MCPH1: variants seen among roughly 807,000 people sequenced by gnomAD.
The protein encoded by MCPH1 is microcephalin 1.
In MCPH1, 104 loss-of-function variants were observed where a neutral mutation model predicts 84.5. That is an observed-to-expected ratio of 1.23 (90% confidence interval 1.05 to 1.45). The LOEUF is 1.45. MCPH1 is among the 40% of genes most tolerant of loss of function. The pLI is 0.00. For missense variants in MCPH1, 1,498 were observed against 1,005.7 expected, an observed-to-expected ratio of 1.49 and a Z score of -6.62; for synonymous variants, 514 against 366.8, an observed-to-expected ratio of 1.40 and a Z score of -4.58.
At chr8:6,598,084 C>T (rs575306057) in intron 12 of MCPH1, among the ~76,000 whole-genome samples, 2 of 152,282 alleles carry the variant, frequency 1.3e-5, no homozygotes, top group African/African-American at 2.4e-5. Context: ...CTTGTGCCTC[C>T]GCTCAACAGG....
intron 2 of MCPH1, among the ~76,000 whole-genome samples, 177 bp from the exon 3 acceptor site, chr8:6,414,588 A>G (rs1329434531): frequency 6.6e-6 from 1 of 152,172 alleles, no homozygotes; most frequent in Non-Finnish European, 1.5e-5. Context: ...ACTTGTGTGT[A>G]TGATTCACCG....
At chr8:6,414,629 C>A in intron 2 of MCPH1, 136 bp from the exon 3 acceptor site, 2 of 833,038 alleles carry the variant, frequency 2.4e-6, no homozygotes, top group South Asian at 1.7e-5. Flanking sequence ...TTTTAAGCAG[C>A]GTTATGCATT....
intron 5 of MCPH1, among the ~76,000 whole-genome samples, chr8:6,437,987 T>G (rs1802928413): frequency 1.3e-5 from 2 of 152,202 alleles, no homozygotes; most frequent in Non-Finnish European, 2.9e-5. Flanking sequence ...GTTTAAAATT[T>G]CCTGGTGTCA....
intron 3 of MCPH1, among the ~76,000 whole-genome samples, chr8:6,418,607 G>A (rs552385382): frequency 4.0e-5 from 6 of 151,268 alleles, no homozygotes; most frequent in South Asian, 4.2e-4. Flanking sequence ...TTTTTGAGAC[G>A]GAGTCTCGCT....
intron 12 of MCPH1, among the ~76,000 whole-genome samples, chr8:6,525,164 A>G (rs2515458): frequency 0.075 from 11,441 of 152,300 alleles, 516 homozygotes; most frequent in African/African-American, 0.12. Flanking sequence ...CCCATTACAT[A>G]TCTCGCCCAT....
In MCPH1 at chr8:6,640,059, CGTGTGTGT is replaced by C. The variant is rs147642349; in HGVS notation, c.2453-2903_2453-2896del. ...CGGCTGGCTTCTGCTATTTTAAACT[CGTGTGTGT>C]GTGTGTGTGTGTGTGTGTGTGTGTG... is the stretch of plus-strand genomic sequence containing the variant. On this transcript the variant is annotated intron_variant, in intron 13 of 13. Transcript: ENST00000344683. Among the ~76,000 whole-genome samples, 372 of 134,278 alleles carry C rather than the reference CGTGTGTGT, an allele frequency of 2.8e-3. 2 individuals are homozygous for C. Among genetic ancestry groups the C allele is most frequent in the African/African-American group, 7.1e-3 (255 of 35,678 alleles). 88.1% of individuals were successfully genotyped at this position (134,278 alleles called of 152,430 possible).
In MCPH1 at chr8:6,640,109, T is replaced by C. The variant is rs201084932; in HGVS notation, c.2453-2885T>C. Among the ~76,000 whole-genome samples, 965 of 123,066 alleles carry C rather than the reference T, an allele frequency of 7.8e-3. 9 individuals are homozygous for C. The highest frequency in any genetic ancestry group is 0.024 in the African/African-American group (713 of 29,242). 80.7% of individuals were successfully genotyped at this position (123,066 alleles called of 152,430 possible). A position where few individuals can be genotyped will look rare whatever the true frequency, so the allele number is the denominator to read the frequency against. On this transcript the variant is annotated intron_variant, in intron 13 of 13. Transcript: ENST00000344683. ...GTGTGTGTGTGTGTGCGCGCGCGTG[T>C]GTGTGTGTGTGCGTGTGTGTGTGTG...
At chr8:6,532,449 C>T (rs749386505) in intron 12 of MCPH1, 2 of 1,613,616 alleles carry the variant, frequency 1.2e-6, no homozygotes, top group South Asian at 1.1e-5. Context: ...GTATCTCTAC[C>T]ATTTCTTTCT....
intron 11 of MCPH1, among the ~76,000 whole-genome samples, chr8:6,496,557 T>C (rs1436518492): frequency 6.7e-6 from 1 of 148,890 alleles, no homozygotes. Flanking sequence ...CCTTTCCAGT[T>C]ACATTCCCAC....
At chr8:6,503,051 T>G (rs752990784) in intron 12 of MCPH1, 4 of 1,607,698 alleles carry the variant, frequency 2.5e-6, no homozygotes, top group Non-Finnish European at 3.4e-6. Flanking sequence ...TGCACTGGGC[T>G]TAAGTCTTTG....
rs373334900 is a variant in MCPH1, at chr8:6,409,373, A to G, written c.114+3A>G. On this transcript the variant is annotated splice_donor_region_variant and intron_variant, in intron 2 of 13. Transcript: ENST00000344683. ...AGCTTGTGGATATGGGGGCAAAGGT[A>G]AGACACTTATTTTGCTGTTGATTCA... 123 of 1,604,242 alleles carry G rather than the reference A, an allele frequency of 7.7e-5. No homozygotes were observed. Among genetic ancestry groups the G allele is most frequent in the Non-Finnish European group, 9.4e-6 (11 of 1,171,190 alleles).
At chr8:6,460,091 T>C (rs1806111074) in intron 9 of MCPH1, among the ~76,000 whole-genome samples, 1 of 152,176 alleles carries the variant, frequency 6.6e-6, no homozygotes, top group African/African-American at 2.4e-5. Flanking sequence ...CAGGCCGTCC[T>C]GTCTTTGATC....
chr8:6,455,867 T>C (rs910001286), intron 9 of MCPH1, among the ~76,000 whole-genome samples: 1 of 152,064 alleles, frequency 6.6e-6, no homozygotes, highest in African/African-American at 2.4e-5. Context: ...GCCAAAAAAG[T>C]ATAATGTAGT....
intron 12 of MCPH1, among the ~76,000 whole-genome samples, chr8:6,509,444 C>T (rs1814496358): frequency 6.6e-6 from 1 of 152,192 alleles, no homozygotes; most frequent in Non-Finnish European, 1.5e-5. Flanking sequence ...AACTGGACAA[C>T]CTCAAACATT....
In MCPH1 at chr8:6,519,846, G is replaced by A. The variant is rs747746759; in HGVS notation, c.2214+19917G>A. On this transcript the variant is annotated intron_variant, in intron 12 of 13. Coordinates refer to ENST00000344683, the MANE Select transcript of MCPH1 (RefSeq NM_024596.5). ...TGCCTAGAGCCAGGGAGTTAGTAAGGGGAGACGAATACCTCACCTTGATCT... is the reference window on the plus strand; with the variant it reads ...TGCCTAGAGCCAGGGAGTTAGTAAGAGGAGACGAATACCTCACCTTGATCT... 3 of 1,612,816 alleles carry A rather than the reference G, an allele frequency of 1.9e-6. No homozygotes were observed. In the South Asian group the frequency reaches 3.3e-5, roughly 18 times the overall value.
At chr8:6,640,464 G>T (rs939749784) in intron 13 of MCPH1, among the ~76,000 whole-genome samples, 1 of 152,138 alleles carries the variant, frequency 6.6e-6, no homozygotes, top group Admixed American at 6.5e-5. Context: ...AATTATGAAT[G>T]AGTCTGAATA....
intron 2 of MCPH1, among the ~76,000 whole-genome samples, chr8:6,410,146 T>G (rs1241039732): frequency 6.6e-6 from 1 of 152,032 alleles, no homozygotes; most frequent in Non-Finnish European, 1.5e-5. Flanking sequence ...ATTTTTTTTT[T>G]TGTATTTTTA....
intron 2 of MCPH1, among the ~76,000 whole-genome samples, chr8:6,412,225 A>T (rs1416868011): frequency 1.3e-5 from 2 of 152,184 alleles, no homozygotes; most frequent in African/African-American, 2.4e-5. Flanking sequence ...ATACACTGGA[A>T]TGTAGGAACC....
chr8:6,637,329 G>A (rs2515563), intron 13 of MCPH1, among the ~76,000 whole-genome samples: 2 of 152,052 alleles, frequency 1.3e-5, no homozygotes, highest in African/African-American at 4.8e-5. Context: ...GCCCCTTGCA[G>A]GTGAGTGGCA....
Sources: allele counts gnomAD v4.1 joint callset (sites outside exome capture counted in the v4.1 genomes callset), GRCh38; gene constraint gnomAD v4.1.1; transcripts MANE v1.5; gene names NCBI Gene and HGNC (gene_info 2026-07-23, HGNC 2026-07-21).